The following EGFLAM variants were observed in gnomAD, a reference collection of about 807,000 sequenced individuals.
EGFLAM encodes pikachurin.
Under a neutral mutation model 113.1 loss-of-function variants are expected in EGFLAM, and 79 were observed. That is an observed-to-expected ratio of 0.70 (90% CI 0.58 to 0.84). The LOEUF is 0.84. Ranked by LOEUF, EGFLAM falls within the 40% of genes least tolerant of loss-of-function variation. The pLI, the probability that EGFLAM is intolerant of heterozygous loss-of-function variation, is 0.00. For synonymous variants in EGFLAM, 504 were observed against 487.6 expected (o/e 1.03, Z -0.44); for missense variants, 1,265 against 1,291.6 (o/e 0.98, Z 0.32).
chr5:38,382,240 A>G (rs1019055383), intron 6 of EGFLAM, among the ~76,000 whole-genome samples: 1 of 152,252 alleles, frequency 6.6e-6, no homozygotes, highest in East Asian at 1.9e-4. Flanking sequence ...TTTTAATCCA[A>G]TGATGAAATC....
intron 1 of EGFLAM, chr5:38,285,961 A>T (rs767389324): frequency 2.6e-5 from 4 of 152,192 alleles, no homozygotes; most frequent in Admixed American, 6.5e-5. Context: ...CATATCACTT[A>T]GGTAGACTTT....
At chr5:38,424,777 T>C (rs1199003154) in intron 12 of EGFLAM, among the ~76,000 whole-genome samples, 190 bp from the exon 13 acceptor site, 3 of 152,154 alleles carry the variant, frequency 2.0e-5, no homozygotes, top group African/African-American at 7.2e-5. Flanking sequence ...CAAACCAAAA[T>C]CAAATTAAAA....
chr5:38,269,927 A>G (rs1044059925), intron 1 of EGFLAM, among the ~76,000 whole-genome samples: 1 of 152,238 alleles, frequency 6.6e-6, no homozygotes, highest in African/African-American at 2.4e-5. Flanking sequence ...TCCAGCCTCT[A>G]GCCCTTGTTG....
chr5:38,323,851 T>A (rs2921223), intron 1 of EGFLAM, among the ~76,000 whole-genome samples: 147,212 of 152,182 alleles, frequency 0.97, 71,375 homozygotes, highest in Non-Finnish European at 1. Flanking sequence ...GAGTTTGAGA[T>A]CAGCCTGGCC....
chr5:38,401,906 C>T (rs941177306), intron 6 of EGFLAM: 4 of 152,118 alleles, frequency 2.6e-5, no homozygotes, highest in African/African-American at 9.7e-5. Flanking sequence ...GTTGCCCCAT[C>T]CAGGAGAAGA....
At chr5:38,378,372 C>T (rs750288701) in intron 6 of EGFLAM, among the ~76,000 whole-genome samples, 2 of 152,136 alleles carry the variant, frequency 1.3e-5, no homozygotes, top group Admixed American at 1.3e-4. Flanking sequence ...TTACAGCATG[C>T]GAGGATCCCG....
intron 1 of EGFLAM, among the ~76,000 whole-genome samples, chr5:38,332,224 CT>C (rs891992886): frequency 2.6e-5 from 4 of 152,064 alleles, no homozygotes; most frequent in African/African-American, 9.7e-5. Context: ...ATTGTGGTAT[CT>C]TTTTTGGTGA....
intron 1 of EGFLAM, among the ~76,000 whole-genome samples, chr5:38,284,294 T>C (rs1758096072): frequency 6.6e-6 from 1 of 152,190 alleles, no homozygotes; most frequent in Admixed American, 6.5e-5. Context: ...ATAGAATGGA[T>C]TCTTTAGAGC....
chr5:38,376,220 T>G (rs1047014763), intron 6 of EGFLAM, among the ~76,000 whole-genome samples: 3 of 152,194 alleles, frequency 2.0e-5, no homozygotes, highest in Non-Finnish European at 2.9e-5. Context: ...GAGTACATTC[T>G]TTCATCAAGT....
chr5:38,319,789 A>G (rs1309547662), intron 1 of EGFLAM, among the ~76,000 whole-genome samples: 3 of 152,240 alleles, frequency 2.0e-5, no homozygotes, highest in African/African-American at 7.2e-5. Flanking sequence ...TGGGAACACT[A>G]TACAAATGGG....
intron 6 of EGFLAM, among the ~76,000 whole-genome samples, chr5:38,396,307 A>C (rs985803599): frequency 6.6e-6 from 1 of 152,200 alleles, no homozygotes; most frequent in African/African-American, 2.4e-5. Context: ...CTTCCTTTCA[A>C]AAGCCATATC....
At chr5:38,429,312 T>C (rs1356116062) in intron 14 of EGFLAM, among the ~76,000 whole-genome samples, 1 of 152,270 alleles carries the variant, frequency 6.6e-6, no homozygotes, top group African/African-American at 2.4e-5. Context: ...CTTATTTCTT[T>C]ATTGCATATT....
Position 38,463,850 on chromosome 5 carries a change from C to T in EGFLAM, c.2894C>T (p.Ala965Val). ...CTGGCAGGTGGAATGAAGGAAATTG[C>T]TCTGCACACTAACAGGCAATATATG... is the stretch of plus-strand genomic sequence containing the variant. ...ALYVGGMKEI[A>V]LHTNRQYMRG... Residue 965 changes from alanine to valine, a missense_variant, in exon 22 of 22, where the codon GCT (alanine) becomes GTT (valine). Physicochemically the swap from Ala to Val is moderately conservative, Grantham distance 64. Transcript: ENST00000322350. 6.2e-7 allele frequency: 1 copy of T among 1,613,900 alleles called. No individual in the cohort carries two copies. Among genetic ancestry groups the T allele is most frequent in the Middle Eastern group, 1.7e-4 (1 of 5,878 alleles).
At chr5:38,378,399 A>G (rs1740420840) in intron 6 of EGFLAM, among the ~76,000 whole-genome samples, 1 of 152,186 alleles carries the variant, frequency 6.6e-6, no homozygotes, top group Admixed American at 6.6e-5. Context: ...ATGTTGTCAT[A>G]GAGCCACAGA....
At chr5:38,309,807 C>T (rs938259015) in intron 1 of EGFLAM, among the ~76,000 whole-genome samples, 1 of 152,204 alleles carries the variant, frequency 6.6e-6, no homozygotes, top group Admixed American at 6.5e-5. Flanking sequence ...CCAAAGGGGA[C>T]AGCCAGTCCA....
At chr5:38,450,372 C>T (rs997033275) in intron 18 of EGFLAM, among the ~76,000 whole-genome samples, 5 of 152,166 alleles carry the variant, frequency 3.3e-5, no homozygotes, top group South Asian at 2.1e-4. Context: ...CTCTTCCTGA[C>T]GAGCTCAGGC....
intron 11 of EGFLAM, 28 bp downstream of exon 11, chr5:38,412,676 C>G (rs56221321): frequency 1.2e-6 from 2 of 1,608,114 alleles, no homozygotes; most frequent in East Asian, 2.2e-5. Flanking sequence ...ACCCTGCCCA[C>G]CCCACATACC....
intron 10 of EGFLAM, among the ~76,000 whole-genome samples, chr5:38,409,785 T>G (rs965077165): frequency 6.6e-6 from 1 of 152,214 alleles, no homozygotes; most frequent in African/African-American, 2.4e-5. Context: ...CTGGGAACTC[T>G]TTGGCTTGCC....
intron 3 of EGFLAM, among the ~76,000 whole-genome samples, chr5:38,341,617 G>C (rs1490469741): frequency 6.6e-6 from 1 of 152,176 alleles, no homozygotes; most frequent in South Asian, 2.1e-4. Flanking sequence ...TTTTGGCATA[G>C]AGATGCTATA....
Sources: gnomAD v4.1 joint callset for allele counts (sites outside exome capture counted in the v4.1 genomes callset) on GRCh38, gnomAD v4.1.1 for gene constraint, MANE v1.5 for transcripts, NCBI Gene and HGNC (gene_info 2026-07-23, HGNC 2026-07-21) for gene names.